FGF12: variants seen among roughly 807,000 people sequenced by gnomAD.
FGF12 encodes the protein fibroblast growth factor 12B.
In FGF12, 14 loss-of-function variants were observed where a neutral mutation model predicts 23.6. The ratio of observed to expected loss-of-function variants is 0.59; its 90% CI spans 0.39 to 0.93. The LOEUF is 0.93. Ranked by LOEUF, FGF12 falls within the 40% of genes least tolerant of loss-of-function variation. The pLI is 0.00. For synonymous variants in FGF12, 62 were observed against 77.3 expected (o/e 0.80, Z 1.04); for missense variants, 175 against 217.8 (o/e 0.80, Z 1.24).
At chr3:192,473,075 T>C (rs1337125638) in intron 2 of FGF12, among the ~76,000 whole-genome samples, 1 of 152,202 alleles carries the variant, frequency 6.6e-6, no homozygotes, top group African/African-American at 2.4e-5. Context: ...TTACTCACTG[T>C]GATTTCTTTC....
intron 2 of FGF12, among the ~76,000 whole-genome samples, chr3:192,469,077 T>A (rs1212434062): frequency 6.6e-6 from 1 of 152,220 alleles, no homozygotes; most frequent in East Asian, 1.9e-4. Flanking sequence ...GGCTCCTGTG[T>A]TCTTTTGACA....
rs1455299083 is a variant in FGF12, at chr3:192,641,400, C to T, written c.13+85781G>A. On this transcript the variant is annotated intron_variant, in intron 2 of 5. Coordinates refer to ENST00000445105, the MANE Select transcript of FGF12 (RefSeq NM_004113.6). The stretch of plus-strand genomic sequence containing the variant: ...GATTACAGGCGTGAGCCACCGCGCC[C>T]GGCCTTTTTTTTTTTTTTTTTGAGA... Among the ~76,000 whole-genome samples the T allele has an allele frequency of 8.2e-5, 4 of 48,528 alleles. 1 individual carries two copies. The highest frequency in any genetic ancestry group is 8.9e-4 in the South Asian group (1 of 1,120). 31.8% of individuals were successfully genotyped at this position (48,528 alleles called of 152,430 possible). A position where few individuals can be genotyped will look rare whatever the true frequency, so the allele number is the denominator to read the frequency against.
At chr3:192,272,854 A>G (rs181391561) in intron 4 of FGF12, among the ~76,000 whole-genome samples, 28 of 152,328 alleles carry the variant, frequency 1.8e-4, no homozygotes, top group African/African-American at 6.0e-4. Context: ...GTGATTTGCT[A>G]AATTTGAGAA....
intron 2 of FGF12, among the ~76,000 whole-genome samples, chr3:192,387,283 T>C (rs1720086376): frequency 6.6e-6 from 1 of 152,136 alleles, no homozygotes; most frequent in African/African-American, 2.4e-5. Flanking sequence ...CCTTTTATGA[T>C]TTCACAGAAT....
chr3:192,623,522 G>T (rs1390701525), intron 2 of FGF12, among the ~76,000 whole-genome samples: 1 of 152,106 alleles, frequency 6.6e-6, no homozygotes, highest in Non-Finnish European at 1.5e-5. Flanking sequence ...TTTGTACATA[G>T]TCCCTGGTGT....
chr3:192,437,574 C>A (rs1463648547), intron 2 of FGF12, among the ~76,000 whole-genome samples: 1 of 151,954 alleles, frequency 6.6e-6, no homozygotes, highest in African/African-American at 2.4e-5. Flanking sequence ...TGCCTGTAAT[C>A]CCACCTACTC....
intron 2 of FGF12, among the ~76,000 whole-genome samples, chr3:192,703,626 G>C (rs1718373808): frequency 6.6e-6 from 1 of 152,172 alleles, no homozygotes; most frequent in Non-Finnish European, 1.5e-5. Flanking sequence ...CAAAACTGGA[G>C]TAAATCCTCT....
chr3:192,260,472 T>C (rs954896432), intron 4 of FGF12, among the ~76,000 whole-genome samples: 4 of 152,214 alleles, frequency 2.6e-5, no homozygotes, highest in Non-Finnish European at 5.9e-5. Context: ...ACTGGGATTC[T>C]TCCTGCCTCA....
chr3:192,387,923 C>A (rs1230452050), intron 2 of FGF12, among the ~76,000 whole-genome samples: 6 of 151,830 alleles, frequency 4.0e-5, no homozygotes, highest in Non-Finnish European at 8.8e-5. Context: ...AATGTCATGA[C>A]TTTGAAGTTT....
At chr3:192,378,030 CTTTCTT>C (rs1349368598) in intron 2 of FGF12, among the ~76,000 whole-genome samples, 2,909 of 59,470 alleles carry the variant, frequency 0.049, 226 homozygotes, top group South Asian at 0.13. Flanking sequence ...TCTTTCTTTT[CTTTCTT>C]TCTTTCTTTC....
intron 3 of FGF12, among the ~76,000 whole-genome samples, chr3:192,343,570 C>T (rs1577371990): frequency 6.6e-6 from 1 of 152,056 alleles, no homozygotes; most frequent in African/African-American, 2.4e-5. Flanking sequence ...TATTCACCCT[C>T]CCCATTCTCA....
At chr3:192,472,710 A>G (rs1192760181) in intron 2 of FGF12, among the ~76,000 whole-genome samples, 1 of 151,876 alleles carries the variant, frequency 6.6e-6, no homozygotes, top group African/African-American at 2.4e-5. Flanking sequence ...GGGATGTCTC[A>G]TTTTCTCTAA....
chr3:192,553,670 C>T (rs966654297), intron 2 of FGF12, among the ~76,000 whole-genome samples: 1 of 152,154 alleles, frequency 6.6e-6, no homozygotes, highest in African/African-American at 2.4e-5. Context: ...TAAGAAAATT[C>T]GTGTCACTCA....
intron 4 of FGF12, among the ~76,000 whole-genome samples, chr3:192,268,335 A>G (rs2108625122): frequency 6.6e-6 from 1 of 152,314 alleles, no homozygotes; most frequent in South Asian, 2.1e-4. Context: ...ATTTAACACC[A>G]GAACTCTAGA....
In FGF12 at chr3:192,483,083, G is replaced by A. The variant is rs924326889; in HGVS notation, c.14-122545C>T. The stretch of plus-strand genomic sequence containing the variant: ...TCATCTTTACAAGTTCTGCATGCCA[G>A]TAACCCTGCCGTCCAGCATTCCTAG... On this transcript the variant is annotated intron_variant, in intron 2 of 5. Coordinates refer to ENST00000445105, the MANE Select transcript of FGF12 (RefSeq NM_004113.6). Among the ~76,000 whole-genome samples, 8 of 152,146 alleles carry A rather than the reference G, an allele frequency of 5.3e-5. No individual in the cohort carries two copies. In the South Asian group the frequency reaches 8.3e-4, roughly 16 times the overall value.
chr3:192,243,207 G>T (rs938540203), intron 4 of FGF12, among the ~76,000 whole-genome samples: 5 of 151,870 alleles, frequency 3.3e-5, no homozygotes, highest in Non-Finnish European at 7.4e-5. Flanking sequence ...TGAGAGAACT[G>T]AAAAACCTAA....
intron 2 of FGF12, among the ~76,000 whole-genome samples, chr3:192,385,740 A>C (rs560752982): frequency 6.6e-6 from 1 of 152,156 alleles, no homozygotes; most frequent in African/African-American, 2.4e-5. Context: ...CTGCCATGCA[A>C]TTTGCCCTTG....
intron 2 of FGF12, among the ~76,000 whole-genome samples, chr3:192,697,699 GC>G (rs1718168641): frequency 1.3e-5 from 2 of 152,180 alleles, no homozygotes; most frequent in Admixed American, 1.3e-4. Context: ...ATGTACTGTG[GC>G]CTCACCAAAG....
At chr3:192,617,474 TC>T (rs1206339005) in intron 2 of FGF12, among the ~76,000 whole-genome samples, 1 of 152,068 alleles carries the variant, frequency 6.6e-6, no homozygotes, top group Non-Finnish European at 1.5e-5. Flanking sequence ...CAGAACCTTC[TC>T]CAACTTGACC....
Sources: allele counts gnomAD v4.1 joint callset (sites outside exome capture counted in the v4.1 genomes callset), GRCh38; gene constraint gnomAD v4.1.1; transcripts MANE v1.5; gene names NCBI Gene and HGNC (gene_info 2026-07-23, HGNC 2026-07-21).